Variants in SORBS2 observed in about 807,000 individuals in gnomAD.
The protein encoded by SORBS2 is sorbin and SH3 domain containing 2.
A neutral mutation model predicts 97.7 loss-of-function variants in SORBS2; 46 were observed. The observed-to-expected ratio is 0.47, with a 90% confidence interval of 0.37 to 0.60. SORBS2 has a LOEUF of 0.60. SORBS2 is among the 20% of genes least tolerant of loss of function. The probability of loss-of-function intolerance (pLI) is 0.00; values close to 1 mark genes in which losing one functional copy is unlikely to be tolerated. For synonymous variants in SORBS2, 476 were observed against 473.4 expected (o/e 1.01, Z -0.07); for missense variants, 1,316 against 1,282.3 (o/e 1.03, Z -0.40).
At chr4:185,593,794 C>T (rs774604806) in intron 13 of SORBS2, 92 bp downstream of exon 25, 5 of 803,726 alleles carry the variant, frequency 6.2e-6, no homozygotes, top group South Asian at 5.9e-5. Context: ...TGATCTTTCA[C>T]GTGCAAAGCC....
At chr4:185,700,585 A>C (rs147065469) in intron 2 of SORBS2, among the ~76,000 whole-genome samples, 25 of 152,334 alleles carry the variant, frequency 1.6e-4, no homozygotes, top group Non-Finnish European at 3.4e-4. Context: ...AGAAGCTTCA[A>C]TATTCCCTCA....
chr4:185,918,308 T>C (rs2099259303), intron 1 of SORBS2: 1 of 152,234 alleles, frequency 6.6e-6, no homozygotes, highest in Non-Finnish European at 1.5e-5. Flanking sequence ...TTTTTGTTCG[T>C]ACGTTTTCAT....
intron 2 of SORBS2, among the ~76,000 whole-genome samples, chr4:185,652,318 C>G (rs188060150): frequency 1.4e-3 from 210 of 152,336 alleles, no homozygotes; most frequent in African/African-American, 4.9e-3. Flanking sequence ...CGCGCAGGCT[C>G]ACTCTCCTGA....
chr4:185,647,204 G>C (rs1185568630), intron 3 of SORBS2, among the ~76,000 whole-genome samples: 1 of 152,140 alleles, frequency 6.6e-6, no homozygotes, highest in African/African-American at 2.4e-5. Flanking sequence ...GGGTTGGCGT[G>C]CACCAGAGCA....
At chr4:185,936,024 G>A (rs1047327952) in intron 1 of SORBS2, among the ~76,000 whole-genome samples, 1 of 152,054 alleles carries the variant, frequency 6.6e-6, no homozygotes, top group Admixed American at 6.6e-5. Context: ...GCTAAGTTTT[G>A]TGTTTTTTGT....
At chr4:185,777,157 T>C (rs1477966183) in intron 1 of SORBS2, among the ~76,000 whole-genome samples, 2 of 152,160 alleles carry the variant, frequency 1.3e-5, no homozygotes, top group African/African-American at 4.8e-5. Flanking sequence ...AATTAAAAAA[T>C]TATAAATTAA....
At chr4:185,945,890 C>A (rs1378297616) in intron 1 of SORBS2, among the ~76,000 whole-genome samples, 5 of 152,082 alleles carry the variant, frequency 3.3e-5, no homozygotes, top group Non-Finnish European at 7.4e-5. Flanking sequence ...GAAGCAGCAG[C>A]AGTCAGAAAG....
At position 185,677,573 on chromosome 4, in the gene SORBS2, AC is replaced by A. The variant is rs1464039320; in HGVS notation, c.-46+849del. The A allele has an allele frequency of 3.2e-6, 5 of 1,543,094 alleles. No individual in the cohort carries two copies. The South Asian group carries it at 4.8e-5, about 15-fold the overall frequency. Reference sequence around the variant, plus strand: ...TAGTTACTAACTGGTCTAAAATGACACCCTTTGTGTGACTGGTTATCAAAGA... The same window carrying A: ...TAGTTACTAACTGGTCTAAAATGACACCTTTGTGTGACTGGTTATCAAAGA... On this transcript the variant is annotated intron_variant, in intron 4 of 20. Coordinates refer to the SORBS2 transcript ENST00000284776.
chr4:185,604,525 G>T (rs1012110805), intron 12 of SORBS2, among the ~76,000 whole-genome samples: 1 of 152,132 alleles, frequency 6.6e-6, no homozygotes, highest in African/African-American at 2.4e-5. Flanking sequence ...AGAAAATGAC[G>T]GAGGCTTAAA....
At chr4:185,868,306 G>A (rs1040730396) in intron 1 of SORBS2, among the ~76,000 whole-genome samples, 3 of 151,484 alleles carry the variant, frequency 2.0e-5, no homozygotes, top group African/African-American at 7.3e-5. Context: ...ACAGGCGTGT[G>A]CCACCATGCC....
chr4:185,936,666 C>T (rs2099269103), intron 1 of SORBS2, among the ~76,000 whole-genome samples: 1 of 152,130 alleles, frequency 6.6e-6, no homozygotes, highest in African/African-American at 2.4e-5. Flanking sequence ...TGATCATTCC[C>T]AGTTTTGAGT....
chr4:185,781,581 T>TCCAGCCTCCCTTCCATTGCCTCC (rs1560991056), intron 1 of SORBS2, among the ~76,000 whole-genome samples: 8 of 122,882 alleles, frequency 6.5e-5, no homozygotes, highest in African/African-American at 2.2e-4. Flanking sequence ...CCATTGCCTC[T>TCCAGCCTCCCTTCCATTGCCTCC]GGCCCCTCCA....
At chr4:185,603,198 T>A (rs1326023443) in intron 12 of SORBS2, among the ~76,000 whole-genome samples, 1 of 152,114 alleles carries the variant, frequency 6.6e-6, no homozygotes, top group African/African-American at 2.4e-5. Flanking sequence ...ACTCAGATTC[T>A]AAGGCTACTT....
At chr4:185,657,258 G>C (rs1029652329), upstream of SORBS2, 5 of 538,708 alleles carry the variant, frequency 9.3e-6, no homozygotes, top group Non-Finnish European at 1.5e-5. Flanking sequence ...CCCATCAACA[G>C]CTTTCTTTCT....
At chr4:185,907,336 T>C (rs2099251570) in intron 1 of SORBS2, among the ~76,000 whole-genome samples, 2 of 152,322 alleles carry the variant, frequency 1.3e-5, no homozygotes, top group South Asian at 4.1e-4. Context: ...TGTTAGCTTT[T>C]ATAGTAAGAA....
intron 2 of SORBS2, among the ~76,000 whole-genome samples, chr4:185,707,973 T>A (rs2098370834): frequency 6.6e-6 from 1 of 152,168 alleles, no homozygotes. Context: ...TTTCTCTGTG[T>A]TTCTCACAAA....
At chr4:185,589,818 A>T in intron 13 of SORBS2, 33 bp from the exon 26 acceptor site, 3 of 1,099,798 alleles carry the variant, frequency 2.7e-6, no homozygotes, top group Non-Finnish European at 4.2e-6. Flanking sequence ...GTTTAAAAAC[A>T]TCTTGACACC....
At chr4:185,833,100 TC>T (rs931777144) in intron 1 of SORBS2, among the ~76,000 whole-genome samples, 8 of 152,210 alleles carry the variant, frequency 5.3e-5, no homozygotes, top group African/African-American at 1.9e-4. Context: ...TCATATGTGG[TC>T]TTAAAATGGC....
chr4:185,618,344 T>A (rs1432142752), intron 9 of SORBS2, among the ~76,000 whole-genome samples: 1 of 152,244 alleles, frequency 6.6e-6, no homozygotes, highest in African/African-American at 2.4e-5. Context: ...CTTTTTGTTT[T>A]TCCTATCCTT....
Sources: allele counts gnomAD v4.1 joint callset (sites outside exome capture counted in the v4.1 genomes callset), GRCh38; gene constraint gnomAD v4.1.1; transcripts MANE v1.5; gene names NCBI Gene and HGNC (gene_info 2026-07-23, HGNC 2026-07-21).